The following RXFP1 variants were observed in gnomAD, a reference collection of about 807,000 sequenced individuals.
RXFP1 encodes relaxin family peptide receptor 1.
In RXFP1, 73 loss-of-function variants were observed where a neutral mutation model predicts 89.8. The ratio of observed to expected loss-of-function variants is 0.81; its 90% CI spans 0.67 to 0.99. The LOEUF (loss-of-function observed/expected upper bound fraction) is 0.99. Ranked by LOEUF, RXFP1 falls within the 50% of genes least tolerant of loss-of-function variation. The pLI is 0.00. For synonymous variants in RXFP1, 277 were observed against 305.5 expected (o/e 0.91, Z 0.97); for missense variants, 793 against 895.5 (o/e 0.89, Z 1.46).
intron 1 of RXFP1, among the ~76,000 whole-genome samples, chr4:158,541,291 A>G (rs908749069): frequency 1.3e-5 from 2 of 151,428 alleles, no homozygotes; most frequent in African/African-American, 2.4e-5. Flanking sequence ...CTCATAAATA[A>G]TATTACTGGC....
intron 1 of RXFP1, among the ~76,000 whole-genome samples, chr4:158,546,373 G>A (rs1392582860): frequency 2.0e-5 from 3 of 152,022 alleles, no homozygotes; most frequent in South Asian, 2.1e-4. Flanking sequence ...GGTTTTCTAG[G>A]TATATAATCA....
intron 17 of RXFP1, among the ~76,000 whole-genome samples, chr4:158,649,061 C>T (rs576927735): frequency 2.0e-4 from 31 of 151,642 alleles, no homozygotes; most frequent in South Asian, 1.7e-3. Flanking sequence ...GGCAGTGAGC[C>T]GAAATTGCAC....
At chr4:158,648,911 G>A (rs1355078308) in intron 17 of RXFP1, among the ~76,000 whole-genome samples, 194 bp downstream of exon 17, 1 of 152,162 alleles carries the variant, frequency 6.6e-6, no homozygotes, top group Non-Finnish European at 1.5e-5. Flanking sequence ...TCAGGAGTTT[G>A]AGACCAGCCT....
chr4:158,560,484 C>A lies in RXFP1; in HGVS notation c.50-12214C>A, dbSNP rs1022511282. Reference sequence around the variant, plus strand: ...ATGAGCTTTTTCATGTCTGGAATGACTCTGCAGAAAGGACACTTCGGAGTT... The same window carrying A: ...ATGAGCTTTTTCATGTCTGGAATGAATCTGCAGAAAGGACACTTCGGAGTT... On this transcript the variant is annotated intron_variant, in intron 1 of 17. Transcript: ENST00000307765. 2.0e-5 allele frequency among the ~76,000 whole-genome samples: 3 copies of A among 152,190 alleles called. No individual in the cohort carries two copies. The South Asian group carries it at 6.2e-4, about 32-fold the overall frequency.
chr4:158,543,602 G>A (rs919652087), intron 1 of RXFP1: 3 of 228,980 alleles, frequency 1.3e-5, no homozygotes, highest in Non-Finnish European at 2.2e-5. Context: ...AGAATCGGTA[G>A]CAACCAACAG....
Position 158,531,688 on chromosome 4 carries a change from TA to T in RXFP1, c.49+9665del, listed in dbSNP as rs1744085994. Among the ~76,000 whole-genome samples the T allele has an allele frequency of 3.9e-5, 6 of 152,296 alleles. No individual in the cohort carries two copies. In the South Asian group the frequency reaches 1.2e-3, roughly 32 times the overall value. On this transcript the variant is annotated intron_variant, in intron 1 of 17. Coordinates refer to ENST00000307765, the MANE Select transcript of RXFP1 (RefSeq NM_021634.4). Reference sequence around the variant, plus strand: ...TTAAATCTTATGCCATCATTAACATTAAGCATACCAAATCCAGGTACGATAT... The same window carrying T: ...TTAAATCTTATGCCATCATTAACATTAGCATACCAAATCCAGGTACGATAT...
chr4:158,599,400 G>C lies in RXFP1; in HGVS notation c.361G>C (p.Val121Leu), dbSNP rs1235914934. The change falls in exon 4 of 18, where the codon GTT becomes CTT. Residue 121 changes from valine to leucine, a missense_variant. Physicochemically the swap from Val to Leu is conservative, Grantham distance 32. Transcript: ENST00000307765. Reference protein sequence around the residue: ...LDCDETNLRAVPSVSSNVTAM... With the variant: ...LDCDETNLRALPSVSSNVTAM... Reference sequence around the variant, plus strand: ...CTGTGATGAAACCAATTTACGAGCTGTTCCATCGGTTTCTTCAAATGTGAC... The same window carrying C: ...CTGTGATGAAACCAATTTACGAGCTCTTCCATCGGTTTCTTCAAATGTGAC... 6.2e-7 allele frequency: 1 copy of C among 1,613,540 alleles called. No homozygotes were observed. Among genetic ancestry groups the C allele is most frequent in the Non-Finnish European group, 8.5e-7 (1 of 1,179,660 alleles).
intron 1 of RXFP1, among the ~76,000 whole-genome samples, chr4:158,563,902 A>G (rs1226773840): frequency 2.0e-5 from 3 of 148,280 alleles, no homozygotes; most frequent in African/African-American, 7.4e-5. Context: ...TATATAACAT[A>G]TTATATATAT....
At chr4:158,531,710 G>C (rs570374642) in intron 1 of RXFP1, among the ~76,000 whole-genome samples, 2 of 152,000 alleles carry the variant, frequency 1.3e-5, no homozygotes, top group African/African-American at 4.8e-5. Context: ...ATCCAGGTAC[G>C]ATATATAGTG....
intron 11 of RXFP1, among the ~76,000 whole-genome samples, chr4:158,629,721 G>T (rs1248745921): frequency 1.3e-5 from 2 of 151,802 alleles, no homozygotes; most frequent in African/African-American, 4.8e-5. Flanking sequence ...CGAACTCCTT[G>T]GACTCAAGTG....
intron 1 of RXFP1, among the ~76,000 whole-genome samples, chr4:158,552,511 A>G (rs1426205932): frequency 1.3e-5 from 2 of 152,228 alleles, no homozygotes; most frequent in Non-Finnish European, 2.9e-5. Flanking sequence ...AGGCATTAAA[A>G]AAAAGAAAAA....
intron 2 of RXFP1, among the ~76,000 whole-genome samples, chr4:158,576,447 T>G (rs1756217391): frequency 6.6e-6 from 1 of 151,606 alleles, no homozygotes; most frequent in Admixed American, 6.6e-5. Flanking sequence ...ATATAAAAAT[T>G]TAAAAAAAGA....
intron 11 of RXFP1, among the ~76,000 whole-genome samples, chr4:158,631,434 T>C (rs1768001935): frequency 6.6e-6 from 1 of 152,146 alleles, no homozygotes; most frequent in South Asian, 2.1e-4. Flanking sequence ...CCCAGATGAA[T>C]AGATATCGTT....
chr4:158,631,316 G>A (rs1767980502), intron 11 of RXFP1, among the ~76,000 whole-genome samples: 1 of 152,176 alleles, frequency 6.6e-6, no homozygotes, highest in Non-Finnish European at 1.5e-5. Context: ...AACTGAAATT[G>A]TGCCCCACTT....
intron 1 of RXFP1, chr4:158,544,115 T>A: frequency 2.0e-6 from 2 of 980,770 alleles, no homozygotes; most frequent in Non-Finnish European, 2.4e-6. Flanking sequence ...ATTTTTTTAA[T>A]TTACTTCCTA....
chr4:158,570,703 C>A (rs1208388096), intron 1 of RXFP1, among the ~76,000 whole-genome samples: 3 of 152,158 alleles, frequency 2.0e-5, no homozygotes, highest in Non-Finnish European at 2.9e-5. Context: ...GCACTCCATC[C>A]CAGTAGCCAG....
At chr4:158,620,642 C>T (rs1408225792) in intron 9 of RXFP1, among the ~76,000 whole-genome samples, 2 of 151,638 alleles carry the variant, frequency 1.3e-5, no homozygotes, top group Admixed American at 6.6e-5. Context: ...GTAATATTGG[C>T]GAAAAAGATT....
chr4:158,588,544 T>C (rs1758750161), intron 2 of RXFP1, among the ~76,000 whole-genome samples: 1 of 152,184 alleles, frequency 6.6e-6, no homozygotes, highest in Non-Finnish European at 1.5e-5. Context: ...AGGCTGGTAG[T>C]ACCTGAAATC....
intron 4 of RXFP1, among the ~76,000 whole-genome samples, chr4:158,603,830 C>T (rs1762115610): frequency 6.6e-6 from 1 of 150,832 alleles, no homozygotes; most frequent in African/African-American, 2.4e-5. Flanking sequence ...GCAGAGGTTG[C>T]AGTGAGCCGA....
Sources: allele counts gnomAD v4.1 joint callset (sites outside exome capture counted in the v4.1 genomes callset), GRCh38; gene constraint gnomAD v4.1.1; transcripts MANE v1.5; gene names NCBI Gene and HGNC (gene_info 2026-07-23, HGNC 2026-07-21).